Variants in CYP2A7 observed in about 807,000 individuals in gnomAD.
CYP2A7 encodes cytochrome P450 2A7.
In CYP2A7, 36 loss-of-function variants were observed where a neutral mutation model predicts 42.0. The observed-to-expected ratio is 0.86, with a 90% CI of 0.66 to 1.13. CYP2A7 has a LOEUF of 1.13. Among genes scored for constraint, CYP2A7 ranks in the 50% most tolerant of loss-of-function variants. CYP2A7 has a pLI of 0.00. For missense variants in CYP2A7, 661 were observed against 634.1 expected (o/e 1.04, Z -0.46); for synonymous variants, 260 against 249.5 (o/e 1.04, Z -0.40).
chr19:40,878,626 G>A lies in CYP2A7; in HGVS notation c.831+134C>T, dbSNP rs1568526244. Reference sequence around the variant, plus strand: ...CTGGGATTACAGGCTGTTAGCCACGGCGCCCAGCCAATTGTGAGGATTATT... The same window carrying A: ...CTGGGATTACAGGCTGTTAGCCACGACGCCCAGCCAATTGTGAGGATTATT... On this transcript the variant is annotated intron_variant, in intron 5 of 8. Transcript: ENST00000301146. The A allele has an allele frequency of 8.5e-6, 11 of 1,297,554 alleles. No individual in the cohort carries two copies. The Admixed American group carries it at 2.9e-4, about 34-fold the overall frequency. The allele number at this position is 1,297,554 out of a possible 1,614,324, so 80.4% of individuals were successfully genotyped here. A position where few individuals can be genotyped will look rare whatever the true frequency, so the allele number is the denominator to read the frequency against.
At chr19:40,881,491 C>G in intron 2 of CYP2A7, 98 bp downstream of exon 2, 2 of 1,575,656 alleles carry the variant, frequency 1.3e-6, no homozygotes, top group Middle Eastern at 2.3e-4. Context: ...GGGGTTCTGC[C>G]ATAGCCTCCA....
In CYP2A7 at chr19:40,880,530, G is replaced by C; in HGVS notation, c.442C>G (p.Arg148Gly). Residue 148 changes from arginine to glycine, a missense_variant, in exon 3 of 9, where the codon CGC becomes GGC. Physicochemically the swap from Arg to Gly is moderately radical, Grantham distance 125. This residue lies in a region of CYP2A7 where 614 missense variants were observed against 552.4 expected (regional missense o/e 1.11). Coordinates refer to ENST00000301146, the MANE Select transcript of CYP2A7 (RefSeq NM_000764.3). ...AGGAAGCCCGACTCCTCCTGGATGCGCTCCTCGATGCCTCGCTTGCCCACC... is the reference window on the plus strand; with the variant it reads ...AGGAAGCCCGACTCCTCCTGGATGCCCTCCTCGATGCCTCGCTTGCCCACC... ...FGVGKRGIEE[R>G]IQEESGFLIE... 3.7e-6 allele frequency: 6 copies of C among 1,612,066 alleles called. No homozygotes were observed. The highest frequency in any genetic ancestry group is 1.7e-4 in the Middle Eastern group (1 of 6,060).
In CYP2A7 at chr19:40,877,190, C is replaced by T. The variant is rs190860163; in HGVS notation, c.1161G>A (p.Lys387=). The change falls in exon 7 of 9, where the codon AAG becomes AAA. Residue 387 remains lysine (K), a splice_region_variant and synonymous_variant. Coordinates refer to ENST00000301146, the MANE Select transcript of CYP2A7 (RefSeq NM_000764.3). ...DTKFRDFFLP[K]GTEVFPMLGS... ...GTCTAGGGGGTGGGGAGGATAGCACCTTAGGGAGGAAAAAATCCCGAAACT... is the reference window on the plus strand; with the variant it reads ...GTCTAGGGGGTGGGGAGGATAGCACTTTAGGGAGGAAAAAATCCCGAAACT... The T allele has an allele frequency of 2.9e-5, 47 of 1,612,556 alleles. 1 individual carries two copies. The African/African-American group carries it at 5.3e-4, about 18-fold the overall frequency.
At chr19:40,881,807 C>G in intron 1 of CYP2A7, 56 bp from the exon 2 acceptor site, 9 of 1,596,958 alleles carry the variant, frequency 5.6e-6, no homozygotes, top group Admixed American at 3.4e-5. Flanking sequence ...TGAATGGGGC[C>G]CAGCACCGAG....
chr19:40,880,453 C>T (rs781652315), intron 3 of CYP2A7, 26 bp downstream of exon 3: 14 of 1,606,880 alleles, frequency 8.7e-6, no homozygotes, highest in African/African-American at 1.3e-5. Context: ...CTTCTCCTGC[C>T]CCCGCACTCG....
Position 40,878,806 on chromosome 19 carries a change from T to C in CYP2A7, c.785A>G (p.Asn262Ser), listed in dbSNP as rs1475363078. The change falls in exon 5 of 9, where the codon AAT becomes AGT. Residue 262 changes from asparagine (N) to serine (S), a missense_variant. Asn to Ser is a conservative substitution (Grantham distance 46). This residue lies in a region of CYP2A7 where 614 missense variants were observed against 552.4 expected (regional missense o/e 1.11). Transcript: ENST00000301146. ...GGAGTCGATGAAGTCCTGTGGGGAA[T>C]TGGGATCCAGCGTGCGCTGGTTGTG... ...VEHNQRTLDP[N>S]SPQDFIDSFL... The C allele has an allele frequency of 3.7e-6, 6 of 1,611,736 alleles. No homozygotes were observed. In the South Asian group the frequency reaches 4.4e-5, roughly 12 times the overall value.
chr19:40,879,658 G>A (rs1967610439), intron 4 of CYP2A7, among the ~76,000 whole-genome samples: 2 of 151,520 alleles, frequency 1.3e-5, no homozygotes, highest in African/African-American at 2.4e-5. Context: ...GGGCTAATCT[G>A]GGACATTTGT....
At chr19:40,878,646 A>T in intron 5 of CYP2A7, 114 bp downstream of exon 5, 1 of 1,434,406 alleles carries the variant, frequency 7.0e-7, no homozygotes, top group African/African-American at 1.4e-5. Context: ...AATTGTGAGG[A>T]TTATTATGAT....
chr19:40,878,362 T>C (rs1243776352), intron 5 of CYP2A7, among the ~76,000 whole-genome samples: 1 of 151,802 alleles, frequency 6.6e-6, no homozygotes, highest in Non-Finnish European at 1.5e-5. Flanking sequence ...CGCATGACCA[T>C]GCAGGCTCAC....
In CYP2A7 at chr19:40,878,819, T is replaced by A. The variant is rs374712130; in HGVS notation, c.772A>T (p.Thr258Ser). 14 of 1,612,150 alleles carry A rather than the reference T, an allele frequency of 8.7e-6. No individual in the cohort carries two copies. In the African/African-American group the frequency reaches 1.9e-4, roughly 22 times the overall value. Residue 258 changes from threonine to serine, a missense_variant, in exon 5 of 9, where the codon ACG (threonine) becomes TCG (serine). By Grantham distance (58) the Thr-to-Ser change is moderately conservative. Around this residue, in one of 3 missense-constraint regions of CYP2A7, gnomAD observed 614 missense variants for 552.4 expected, o/e 1.11. Transcript: ENST00000301146. ...IAKKVEHNQR[T>S]LDPNSPQDFI... ...TCCTGTGGGGAATTGGGATCCAGCG[T>A]GCGCTGGTTGTGCTCCACCTTCTTG...
chr19:40,880,014 CT>C (rs1471110662), intron 4 of CYP2A7, 69 bp downstream of exon 4: 1 of 1,588,644 alleles, frequency 6.3e-7, no homozygotes, highest in Non-Finnish European at 8.6e-7. Context: ...TTTGGGGCAC[CT>C]GTCTCCAGGT....
chr19:40,876,012 T>C, intron 8 of CYP2A7, 138 bp from the exon 9 acceptor site: 2 of 1,405,196 alleles, frequency 1.4e-6, no homozygotes, highest in Non-Finnish European at 1.9e-6. Context: ...GAGGAGGCTC[T>C]GATCCTCCCT....
At chr19:40,881,975 C>G (rs1360834989) in intron 1 of CYP2A7, 56 bp downstream of exon 1, 26 of 1,577,964 alleles carry the variant, frequency 1.6e-5, no homozygotes, top group Non-Finnish European at 2.2e-5. Flanking sequence ...GCCACAAAGC[C>G]CCAGCCAACT....
At chr19:40,881,391 G>A (rs957226480) in intron 2 of CYP2A7, among the ~76,000 whole-genome samples, 198 bp downstream of exon 2, 1 of 151,542 alleles carries the variant, frequency 6.6e-6, no homozygotes, top group Non-Finnish European at 1.5e-5. Flanking sequence ...AGAGAGGCAG[G>A]GAGGAATCAC....
chr19:40,877,512 C>T (rs1346575039), intron 6 of CYP2A7, 135 bp from the exon 7 acceptor site: 63 of 1,360,500 alleles, frequency 4.6e-5, no homozygotes, highest in Non-Finnish European at 6.1e-5. Context: ...ACAGAACAGA[C>T]ATCGGCCATT....
rs112826098 is a variant in CYP2A7, at chr19:40,877,784, C to T, written c.973+68G>A. The T allele has an allele frequency of 1.8e-3, 2,829 of 1,551,114 alleles. 62 individuals carry two copies. The African/African-American group carries it at 0.031, about 17-fold the overall frequency. ...TCCTGGGATCTGGGACAGGTAGGGA[C>T]ATTGCACCAGTCGAAGGGGAATTTT... is the stretch of plus-strand genomic sequence containing the variant. On this transcript the variant is annotated intron_variant, in intron 6 of 8. Transcript: ENST00000301146.
At chr19:40,878,044 C>T in intron 5 of CYP2A7, 51 bp from the exon 6 acceptor site, 2 of 1,572,666 alleles carry the variant, frequency 1.3e-6, no homozygotes, top group Non-Finnish European at 1.7e-6. Flanking sequence ...GCCCTCAGGG[C>T]CCTTCTAGGG....
Position 40,875,676 on chromosome 19 carries a change from A to C in CYP2A7, c.*17T>G. 6.2e-7 allele frequency: 1 copy of C among 1,610,882 alleles called. No homozygotes were observed. Among genetic ancestry groups the C allele is most frequent in the Non-Finnish European group, 8.5e-7 (1 of 1,178,198 alleles). ...CCCTGGCCCCGCCCACCAGACCTGC[A>C]CCGGCACAGCCCTCGCTCAGCGGGG... On this transcript the variant is annotated 3_prime_UTR_variant, in exon 9 of 9. Transcript: ENST00000301146.
At position 40,881,537 on chromosome 19, in the gene CYP2A7, T is replaced by A; in HGVS notation, c.343+52A>T. The A allele has an allele frequency of 2.5e-6, 4 of 1,607,428 alleles. No individual in the cohort carries two copies. The South Asian group carries it at 4.4e-5, about 18-fold the overall frequency. On this transcript the variant is annotated intron_variant, in intron 2 of 8. Transcript: ENST00000301146. ...GAGTCAGGGAGAAGGCTGGCAACAC[T>A]GAGACCATCGTGTCCGCCTGGCCAC...
Sources: allele counts gnomAD v4.1 joint callset (sites outside exome capture counted in the v4.1 genomes callset), GRCh38; gene constraint gnomAD v4.1.1; regional missense constraint gnomAD v4.1.1; transcripts MANE v1.5; gene names NCBI Gene and HGNC (gene_info 2026-07-23, HGNC 2026-07-21).